Variants in MKX observed in about 807,000 individuals in gnomAD.
The protein encoded by MKX is mohawk homeobox, also known as homeobox protein Mohawk.
Under a neutral mutation model 36.0 loss-of-function variants are expected in MKX, and 13 were observed. The ratio of observed to expected loss-of-function variants is 0.36; its 90% CI spans 0.24 to 0.57. MKX has a LOEUF of 0.57. Ranked by LOEUF, MKX falls within the 20% of genes least tolerant of loss-of-function variation. MKX has a pLI of 0.79. For missense variants in MKX, 458 were observed against 456.4 expected (o/e 1.00, Z -0.03); for synonymous variants, 176 against 178.3 (o/e 0.99, Z 0.10).
At chr10:27,719,013 T>C (rs576483718) in intron 5 of MKX, among the ~76,000 whole-genome samples, 114 of 152,290 alleles carry the variant, frequency 7.5e-4, no homozygotes, top group Non-Finnish European at 1.3e-3. Context: ...CATAAAATCA[T>C]TTGCTAAAAG....
chr10:27,676,005 T>A (rs1375860204), intron 5 of MKX, among the ~76,000 whole-genome samples: 1 of 152,210 alleles, frequency 6.6e-6, no homozygotes, highest in Non-Finnish European at 1.5e-5. Context: ...GCACAGTGGC[T>A]CATATCTGTA....
chr10:27,715,881 TAAAG>T lies in MKX; in HGVS notation c.838+18571_838+18574del, dbSNP rs148474217. Among the ~76,000 whole-genome samples the T allele has an allele frequency of 0.015, 2,331 of 151,666 alleles. 145 individuals carry two copies. The East Asian group carries it at 0.2, about 13-fold the overall frequency. ...GATGGGCTGGGGGCTGGGCATAGCATAAAGACATAGGTTGCTCTGGGCATAGTGG... is the reference window on the plus strand; with the variant it reads ...GATGGGCTGGGGGCTGGGCATAGCATACATAGGTTGCTCTGGGCATAGTGG... On this transcript the variant is annotated intron_variant, in intron 5 of 6. Coordinates refer to ENST00000419761, the MANE Select transcript of MKX (RefSeq NM_173576.3).
Position 27,673,780 on chromosome 10 carries a change from C to G in MKX, c.*1449G>C, listed in dbSNP as rs181841328. ...TGATACTGTCCATCAACTAGAGCAG[C>G]CTTTGGTTTTAAAAGCATTTTGCAA... On this transcript the variant is annotated 3_prime_UTR_variant, in exon 7 of 7. Coordinates refer to ENST00000419761, the MANE Select transcript of MKX (RefSeq NM_173576.3). 1.4e-4 allele frequency: 21 copies of G among 152,486 alleles called. No homozygotes were observed. The highest frequency in any genetic ancestry group is 1.1e-3 in the Admixed American group (17 of 15,274). The allele number at this position is 152,486 out of a possible 1,614,324, so 9.4% of individuals were successfully genotyped here. A position where few individuals can be genotyped will look rare whatever the true frequency, so the allele number is the denominator to read the frequency against.
chr10:27,691,234 G>A (rs1036130396), intron 5 of MKX, among the ~76,000 whole-genome samples: 3 of 152,128 alleles, frequency 2.0e-5, no homozygotes, highest in Admixed American at 6.5e-5. Context: ...GTCTTCAAAG[G>A]GGAAGGTTCC....
At chr10:27,677,749 C>T (rs1156713920) in intron 5 of MKX, among the ~76,000 whole-genome samples, 1 of 152,196 alleles carries the variant, frequency 6.6e-6, no homozygotes, top group Non-Finnish European at 1.5e-5. Flanking sequence ...CACATGAGAT[C>T]ATGTGTGTCT....
chr10:27,688,535 G>A (rs983444174), intron 5 of MKX, among the ~76,000 whole-genome samples: 8 of 152,128 alleles, frequency 5.3e-5, no homozygotes, highest in Admixed American at 5.2e-4. Flanking sequence ...TTTCTCAAGG[G>A]GAATATTGGA....
rs3063184 is a variant in MKX, at chr10:27,744,711, T to TACACACACACACACAC, written c.-83+980_-83+995dup. 2 of 142,524 alleles carry TACACACACACACACAC rather than the reference T, an allele frequency of 1.4e-5. No homozygotes were observed. The highest frequency in any genetic ancestry group is 2.1e-4 in the East Asian group (1 of 4,718). The allele number at this position is 142,524 out of a possible 1,614,324, so 8.8% of individuals were successfully genotyped here. A position where few individuals can be genotyped will look rare whatever the true frequency, so the allele number is the denominator to read the frequency against. On this transcript the variant is annotated intron_variant, in intron 1 of 6. Transcript: ENST00000419761. The surrounding 1 kb of genome is among the most constrained non-coding windows in gnomAD (Gnocchi z 5.6). ...CTCCACTAACACACGCGCGCGCGCATACACACACACACACACACACACACA... is the reference window on the plus strand; with the variant it reads ...CTCCACTAACACACGCGCGCGCGCATACACACACACACACACACACACACACACACACACACACACA...
chr10:27,705,092 C>T (rs542350552), intron 5 of MKX, among the ~76,000 whole-genome samples: 20 of 152,240 alleles, frequency 1.3e-4, no homozygotes, highest in African/African-American at 4.6e-4. Context: ...TGCTCAGACT[C>T]ATTCTTCACC....
intron 3 of MKX, among the ~76,000 whole-genome samples, chr10:27,740,757 C>T (rs1834874995): frequency 6.6e-6 from 1 of 152,178 alleles, no homozygotes; most frequent in African/African-American, 2.4e-5. Flanking sequence ...GTTTAGGATG[C>T]TTCCTATTAA....
chr10:27,683,064 G>A (rs1836284286), intron 5 of MKX, among the ~76,000 whole-genome samples: 2 of 152,138 alleles, frequency 1.3e-5, no homozygotes, highest in African/African-American at 4.8e-5. Flanking sequence ...TTGCGCTCCT[G>A]GGAGAATCTA....
intron 5 of MKX, among the ~76,000 whole-genome samples, chr10:27,719,699 T>C (rs1035012900): frequency 6.6e-6 from 1 of 152,120 alleles, no homozygotes; most frequent in African/African-American, 2.4e-5. Context: ...AATTGATTTA[T>C]AGGGCCAGGC....
rs1411995270 is a variant in MKX at position 27,679,010 on chromosome 10, C to T, written c.839-3456G>A. The stretch of plus-strand genomic sequence containing the variant: ...TACACAGGATTCAATAGACTGAATT[C>T]TGTATTTTATTCTTCAGGCAGACGG... On this transcript the variant is annotated intron_variant, in intron 5 of 6. Transcript: ENST00000419761. Among the ~76,000 whole-genome samples, 3 of 152,204 alleles carry T rather than the reference C, an allele frequency of 2.0e-5. No homozygotes were observed. The East Asian group carries it at 5.8e-4, about 29-fold the overall frequency.
chr10:27,731,444 C>T (rs1182903804), intron 5 of MKX, among the ~76,000 whole-genome samples: 1 of 152,138 alleles, frequency 6.6e-6, no homozygotes, highest in Non-Finnish European at 1.5e-5. Flanking sequence ...AACCCAGCTA[C>T]GATTGCAGCA....
chr10:27,734,738 C>G lies in MKX; in HGVS notation c.556G>C (p.Val186Leu), dbSNP rs985155856. The change falls in exon 5 of 7, where the codon GTT becomes CTT. Residue 186 changes from valine (V) to leucine (L), a missense_variant. Physicochemically the swap from Val to Leu is conservative, Grantham distance 32. Coordinates refer to ENST00000419761, the MANE Select transcript of MKX (RefSeq NM_173576.3). The part of the protein sequence containing the change: ...HMNEGGYNTP[V>L]HHPVIKSENS... ...TCACTTTTAATCACAGGATGGTGAA[C>G]TGGGGTATTATAGCCCCCTTCGTTC... 2.5e-6 allele frequency: 4 copies of G among 1,614,016 alleles called. No individual in the cohort carries two copies. Among genetic ancestry groups the G allele is most frequent in the Non-Finnish European group, 3.4e-6 (4 of 1,180,032 alleles).
chr10:27,727,676 G>C (rs1464153721), intron 5 of MKX, among the ~76,000 whole-genome samples: 3 of 152,202 alleles, frequency 2.0e-5, no homozygotes, highest in Non-Finnish European at 4.4e-5. Flanking sequence ...ATTCTGCTTA[G>C]AAATAAGTAA....
chr10:27,745,244 G>T (rs1031964444), intron 1 of MKX, among the ~76,000 whole-genome samples: 13 of 152,146 alleles, frequency 8.5e-5, no homozygotes, highest in African/African-American at 2.9e-4. Flanking sequence ...CGCAGAGATC[G>T]CAGACACAGA....
intron 5 of MKX, among the ~76,000 whole-genome samples, chr10:27,711,429 C>CTA (rs1399262532): frequency 8.7e-6 from 1 of 114,574 alleles, no homozygotes; most frequent in African/African-American, 3.8e-5. Flanking sequence ...TCTTTCTTTT[C>CTA]TCTTTCTTTC....
intron 5 of MKX, among the ~76,000 whole-genome samples, chr10:27,681,607 C>A (rs972119398): frequency 6.6e-6 from 1 of 151,950 alleles, no homozygotes; most frequent in Non-Finnish European, 1.5e-5. Context: ...TGAGAGTGTG[C>A]TCCTTCACCT....
intron 5 of MKX, among the ~76,000 whole-genome samples, chr10:27,695,145 C>A (rs1487975528): frequency 6.6e-6 from 1 of 152,050 alleles, no homozygotes; most frequent in Non-Finnish European, 1.5e-5. Context: ...CAATGTCTAC[C>A]CAGTTAGACC....
Sources: allele counts gnomAD v4.1 joint callset (sites outside exome capture counted in the v4.1 genomes callset), GRCh38; gene constraint gnomAD v4.1.1; non-coding constraint Gnocchi (gnomAD v3.1); transcripts MANE v1.5; gene names NCBI Gene and HGNC (gene_info 2026-07-23, HGNC 2026-07-21).